Variants in SRP19 observed in about 807,000 individuals in gnomAD.
SRP19 encodes the protein signal recognition particle 19 kDa protein.
A neutral mutation model predicts 22.4 loss-of-function variants in SRP19; 11 were observed. The ratio of observed to expected loss-of-function variants is 0.49; its 90% CI spans 0.31 to 0.81. SRP19 has a LOEUF of 0.81. SRP19 is among the 40% of genes least tolerant of loss of function. The pLI is 0.05. For missense variants in SRP19, 168 were observed against 175.9 expected, an observed-to-expected ratio of 0.96 and a Z score of 0.25; for synonymous variants, 61 against 57.6, an observed-to-expected ratio of 1.06 and a Z score of -0.27.
At chr5:112,871,723 C>A (rs139074963), downstream of SRP19, among the ~76,000 whole-genome samples, 9 of 152,216 alleles carry the variant, frequency 5.9e-5, no homozygotes, top group East Asian at 1.7e-3. Flanking sequence ...TGTGCCACTG[C>A]ACTCCAGCCT....
At chr5:112,881,527 T>C (rs1359884684) in intron 4 of SRP19, among the ~76,000 whole-genome samples, 5 of 152,216 alleles carry the variant, frequency 3.3e-5, no homozygotes, top group African/African-American at 1.2e-4. Flanking sequence ...GAAAGCTGGC[T>C]GTGCCCTGAG....
At position 112,892,160 on chromosome 5, in the gene SRP19, G is replaced by A. The variant is rs1768485570; in HGVS notation, c.*553G>A. 3.1e-6 allele frequency: 5 copies of A among 1,614,150 alleles called. No individual in the cohort carries two copies. In the South Asian group the frequency reaches 4.4e-5, roughly 14 times the overall value. The stretch of plus-strand genomic sequence containing the variant: ...GATTTCAGAGTAATGGAGAAGGATC[G>A]AGCTAATTGTCCCTTCTACAGTAAA... On this transcript the variant is annotated 3_prime_UTR_variant, in exon 5 of 5. Transcript: ENST00000391338.
chr5:112,893,008 A>T, exon 5 of SRP19: 1 of 1,537,452 alleles, frequency 6.5e-7, no homozygotes, highest in Admixed American at 1.7e-5. Flanking sequence ...AAGTTCCTCT[A>T]GGTGCCGAAG....
downstream of SRP19, chr5:112,895,649 T>C (rs1313346691): frequency 6.6e-6 from 1 of 152,216 alleles, no homozygotes. Flanking sequence ...ATTTTCCTGT[T>C]CTGAAATGAA....
chr5:112,891,373 A>AGG (rs1768441242), intron 4 of SRP19, among the ~76,000 whole-genome samples: 1 of 152,128 alleles, frequency 6.6e-6, no homozygotes. Flanking sequence ...GCACCTGGCC[A>AGG]TAAGTAAATA....
chr5:112,863,651 T>G (rs986667755), intron 2 of SRP19, among the ~76,000 whole-genome samples: 4 of 152,088 alleles, frequency 2.6e-5, no homozygotes, highest in African/African-American at 9.7e-5. Flanking sequence ...TGCCAAAGTC[T>G]TTTCTACCTT....
downstream of SRP19, among the ~76,000 whole-genome samples, chr5:112,870,442 T>C (rs977180901): frequency 6.6e-6 from 1 of 152,040 alleles, no homozygotes; most frequent in Non-Finnish European, 1.5e-5. Context: ...GATCATGCTA[T>C]TCCACTCACC....
exon 5 of SRP19, chr5:112,892,984 C>A: frequency 6.3e-7 from 1 of 1,584,654 alleles, no homozygotes; most frequent in Non-Finnish European, 8.6e-7. Context: ...CAGGAGCCAC[C>A]GCAGCCGGAG....
intron 4 of SRP19, among the ~76,000 whole-genome samples, chr5:112,879,733 C>T (rs1388007773): frequency 1.3e-5 from 2 of 152,036 alleles, no homozygotes; most frequent in African/African-American, 2.4e-5. Context: ...GCCTTGGCCT[C>T]CCAAAGTGCT....
downstream of SRP19, among the ~76,000 whole-genome samples, chr5:112,871,759 A>C (rs1767767818): frequency 1.3e-5 from 2 of 152,012 alleles, no homozygotes; most frequent in African/African-American, 4.8e-5. Flanking sequence ...ACTCCGTCTC[A>C]AAAAAAATTT....
downstream of SRP19, among the ~76,000 whole-genome samples, chr5:112,872,129 A>G (rs114114669): frequency 1.3e-4 from 20 of 152,188 alleles, no homozygotes; most frequent in Non-Finnish European, 2.9e-4. Context: ...CTACCAATAT[A>G]TTTCATAATT....
chr5:112,894,505 A>G (rs1768618292), downstream of SRP19: 1 of 152,252 alleles, frequency 6.6e-6, no homozygotes, highest in African/African-American at 2.4e-5. Flanking sequence ...AATGCAATAC[A>G]ACATTATGAT....
At chr5:112,895,635 T>A (rs1768659471), downstream of SRP19, 1 of 152,216 alleles carries the variant, frequency 6.6e-6, no homozygotes, top group Non-Finnish European at 1.5e-5. Context: ...GCTACATCCT[T>A]AGCATTTTCC....
At chr5:112,873,334 C>A (rs1183265331), downstream of SRP19, among the ~76,000 whole-genome samples, 4 of 116,032 alleles carry the variant, frequency 3.4e-5, no homozygotes, top group South Asian at 3.0e-4. Context: ...TATTTTCCAA[C>A]CTTTCCTATT....
Position 112,892,787 on chromosome 5 carries a change from G to A in SRP19, c.*1180G>A, listed in dbSNP as rs773520174. 23 of 1,613,830 alleles carry A rather than the reference G, an allele frequency of 1.4e-5. No homozygotes were observed. The East Asian group carries it at 2.9e-4, about 20-fold the overall frequency. On this transcript the variant is annotated 3_prime_UTR_variant, in exon 5 of 5. Transcript: ENST00000391338. ...CACGACCACTACTACAGCAGGCAGC[G>A]GGGAAGGAGAAACCCTAGTCCAGAC...
At chr5:112,891,958 G>C (rs755182345) in exon 5 of SRP19, 10 of 1,237,544 alleles carry the variant, frequency 8.1e-6, no homozygotes, top group South Asian at 2.4e-5. Flanking sequence ...ATGGCTAGAA[G>C]AACAAGAGAG....
At position 112,869,693 on chromosome 5, in the gene SRP19, C is replaced by G. The variant is rs1482479486; in HGVS notation, c.*2156C>G. 1 of 152,132 alleles carries G rather than the reference C, an allele frequency of 6.6e-6. No homozygotes were observed. The highest frequency in any genetic ancestry group is 1.5e-5 in the Non-Finnish European group (1 of 68,052). 9.4% of individuals were successfully genotyped at this position (152,132 alleles called of 1,614,324 possible). A position where few individuals can be genotyped will look rare whatever the true frequency, so the allele number is the denominator to read the frequency against. The stretch of plus-strand genomic sequence containing the variant: ...ATAATTGGATCATGGGGGCAATTTC[C>G]CCTGTGCTGTTCTTGAGATAATGAG... On this transcript the variant is annotated 3_prime_UTR_variant, in exon 5 of 5. Coordinates refer to ENST00000505459, the MANE Select transcript of SRP19 (RefSeq NM_003135.3).
At chr5:112,862,038 A>G (rs545708299) in intron 1 of SRP19, among the ~76,000 whole-genome samples, 60 of 152,346 alleles carry the variant, frequency 3.9e-4, no homozygotes, top group Non-Finnish European at 7.8e-4. Context: ...TTTTGAAAAT[A>G]CTTGTTATCT....
At chr5:112,876,088 A>G (rs1767888715) in intron 4 of SRP19, among the ~76,000 whole-genome samples, 2 of 152,108 alleles carry the variant, frequency 1.3e-5, no homozygotes, top group Non-Finnish European at 1.5e-5. Flanking sequence ...ATCTTAAGTC[A>G]TAGGAGACTT....
Sources: allele counts gnomAD v4.1 joint callset (sites outside exome capture counted in the v4.1 genomes callset), GRCh38; gene constraint gnomAD v4.1.1; transcripts MANE v1.5; gene names NCBI Gene and HGNC (gene_info 2026-07-23, HGNC 2026-07-21).